Variants in CATSPERE observed in about 807,000 individuals in gnomAD.
CATSPERE encodes catsper channel auxiliary subunit epsilon.
A neutral mutation model predicts 114.1 loss-of-function variants in CATSPERE; 93 were observed. The observed-to-expected ratio is 0.81, with a 90% CI of 0.69 to 0.97. The LOEUF is 0.97. Ranked by LOEUF, CATSPERE falls within the 50% of genes least tolerant of loss-of-function variation. The probability of loss-of-function intolerance (pLI) is 0.00; values close to 1 mark genes in which losing one functional copy is unlikely to be tolerated. For missense variants in CATSPERE, 1,058 were observed against 1,131.6 expected (o/e 0.93, Z 0.93); for synonymous variants, 341 against 384.1 (o/e 0.89, Z 1.31).
intron 12 of CATSPERE, among the ~76,000 whole-genome samples, chr1:244,582,593 A>G (rs75462476): frequency 6.6e-6 from 1 of 151,746 alleles, no homozygotes; most frequent in African/African-American, 2.4e-5. Context: ...GTAGAGACAT[A>G]GTTTCTCCAT....
At chr1:244,549,050 G>A (rs1046565934) in intron 8 of CATSPERE, among the ~76,000 whole-genome samples, 2 of 152,170 alleles carry the variant, frequency 1.3e-5, no homozygotes, top group Non-Finnish European at 2.9e-5. Flanking sequence ...CCAGACTACC[G>A]AGGGGAAGCT....
intron 18 of CATSPERE, among the ~76,000 whole-genome samples, chr1:244,608,552 A>T (rs76338484): frequency 6.6e-6 from 1 of 151,596 alleles, no homozygotes; most frequent in East Asian, 1.9e-4. Context: ...AAAAAAAAAA[A>T]TTGCATTTCA....
chr1:244,473,484 TTG>T (rs1668797911), intron 2 of CATSPERE, among the ~76,000 whole-genome samples: 1 of 152,202 alleles, frequency 6.6e-6, no homozygotes, highest in Non-Finnish European at 1.5e-5. Context: ...AAGAGTTTTT[TTG>T]TGTATTCTGG....
intron 21 of CATSPERE, among the ~76,000 whole-genome samples, chr1:244,637,203 C>T (rs1289179569): frequency 6.6e-6 from 1 of 152,136 alleles, no homozygotes; most frequent in Non-Finnish European, 1.5e-5. Flanking sequence ...ACAAAACCTA[C>T]CCGATCCTTT....
chr1:244,499,052 G>C lies in CATSPERE; in HGVS notation c.402G>C (p.Leu134Phe), dbSNP rs1438111006. The C allele has an allele frequency of 6.2e-7, 1 of 1,612,494 alleles. No homozygotes were observed. Among genetic ancestry groups the C allele is most frequent in the South Asian group, 1.1e-5 (1 of 91,014 alleles). Reference protein sequence around the residue: ...YDPESADPDELLGNAEEPSIN... With the variant: ...YDPESADPDEFLGNAEEPSIN... ...CAGAAAGTGCAGATCCTGATGAGTT[G>C]CTGGGGAATGCAGAAGAACCTTCAA... Residue 134 changes from leucine (L) to phenylalanine (F), a missense_variant, in exon 7 of 22, where the codon TTG (leucine) becomes TTC (phenylalanine). Transcript: ENST00000366534.
chr1:244,531,626 C>T (rs1488776579), intron 8 of CATSPERE, among the ~76,000 whole-genome samples: 1 of 151,836 alleles, frequency 6.6e-6, no homozygotes, highest in Admixed American at 6.6e-5. Context: ...TATAATGTAT[C>T]ACATTGGTTG....
rs1660838155 is a variant in CATSPERE at position 244,552,630 on chromosome 1, A to G, written c.845A>G (p.Asp282Gly). ...GTGCCTCCAGACATTCTGAGTGATG[A>G]TGAAAGACGGAGTGTGGCTCATGTG... ...IRVPPDILSD[D>G]ERRSVAHVIL... is the part of the protein sequence containing the mutation. Residue 282 changes from aspartate (D) to glycine (G), a missense_variant, in exon 9 of 22, where the codon GAT (aspartate) becomes GGT (glycine). Transcript: ENST00000366534. 8.7e-6 allele frequency: 14 copies of G among 1,614,070 alleles called. No individual in the cohort carries two copies. In the African/African-American group the frequency reaches 1.3e-4, roughly 15 times the overall value.
intron 19 of CATSPERE, among the ~76,000 whole-genome samples, chr1:244,614,238 A>T (rs545875376): frequency 1.3e-5 from 2 of 152,350 alleles, no homozygotes; most frequent in East Asian, 3.9e-4. Context: ...CTGTGTTCCT[A>T]GAGCTTCTGC....
chr1:244,461,505 G>C lies in CATSPERE; in HGVS notation c.65+11G>C. 7.7e-7 allele frequency: 1 copy of C among 1,304,922 alleles called. No individual in the cohort carries two copies. 80.8% of individuals were successfully genotyped at this position (1,304,922 alleles called of 1,614,324 possible). A position where few individuals can be genotyped will look rare whatever the true frequency, so the allele number is the denominator to read the frequency against. On this transcript the variant is annotated intron_variant, in intron 1 of 21. Transcript: ENST00000366534. ...CTCCGCCCTTTGGAGGTAGAGAGAC[G>C]CCAGTCGCAGGCGAGCGACTAGGCG...
intron 2 of CATSPERE, among the ~76,000 whole-genome samples, chr1:244,473,725 G>T (rs985853723): frequency 1.3e-5 from 2 of 151,946 alleles, no homozygotes; most frequent in African/African-American, 2.4e-5. Flanking sequence ...GTCTTTCTGG[G>T]TCACTTTTTT....
intron 2 of CATSPERE, among the ~76,000 whole-genome samples, chr1:244,473,795 C>G (rs1227545828): frequency 6.6e-6 from 1 of 152,044 alleles, no homozygotes; most frequent in Non-Finnish European, 1.5e-5. Flanking sequence ...TAAGCCCATT[C>G]ACATTTAATT....
Position 244,499,071 on chromosome 1 carries a change from C to A in CATSPERE, c.421C>A (p.Pro141Thr). The A allele has an allele frequency of 2.5e-6, 4 of 1,607,826 alleles. No homozygotes were observed. Among genetic ancestry groups the A allele is most frequent in the Non-Finnish European group, 3.4e-6 (4 of 1,174,618 alleles). ...PDELLGNAEE[P>T]SINSIVLSTQ... Reference sequence around the variant, plus strand: ...TGAGTTGCTGGGGAATGCAGAAGAACCTTCAATAGTAGGTGGAAACATTAG... The same window carrying A: ...TGAGTTGCTGGGGAATGCAGAAGAAACTTCAATAGTAGGTGGAAACATTAG... Residue 141 changes from proline to threonine, a missense_variant, in exon 7 of 22, where the codon CCT (proline) becomes ACT (threonine). Pro to Thr is a conservative substitution (Grantham distance 38, BLOSUM62 -1). Around this residue, in one of 2 missense-constraint regions of CATSPERE, gnomAD observed 271 missense variants for 225.9 expected, o/e 1.20. Transcript: ENST00000366534.
chr1:244,486,221 T>C (rs1235379215), intron 5 of CATSPERE, among the ~76,000 whole-genome samples: 1 of 152,238 alleles, frequency 6.6e-6, no homozygotes, highest in Non-Finnish European at 1.5e-5. Flanking sequence ...TGTTTTTTAT[T>C]TGCAATTTAA....
At chr1:244,522,499 G>A (rs549116826) in intron 8 of CATSPERE, among the ~76,000 whole-genome samples, 4 of 152,146 alleles carry the variant, frequency 2.6e-5, no homozygotes, top group African/African-American at 7.2e-5. Flanking sequence ...CAGAACTGAA[G>A]GAAATAGAGA....
Position 244,593,583 on chromosome 1 carries a change from GTATATTCTCATCAACATTTTAACT to G in CATSPERE, c.2303+12_2303+35del. ...GTTTCAACCTGTGGTTCAACTGTAA[GTATATTCTCATCAACATTTTAACT>G]TATATTGAAAGTTTCAAACTCAAAG... is the stretch of plus-strand genomic sequence containing the variant. On this transcript the variant is annotated splice_donor_region_variant and intron_variant, in intron 17 of 21. Transcript: ENST00000366534. The G allele has an allele frequency of 6.2e-7, 1 of 1,607,622 alleles. No homozygotes were observed. Among genetic ancestry groups the G allele is most frequent in the East Asian group, 2.2e-5 (1 of 44,840 alleles).
At chr1:244,472,400 AT>A (rs1439210289) in intron 2 of CATSPERE, among the ~76,000 whole-genome samples, 1 of 152,084 alleles carries the variant, frequency 6.6e-6, no homozygotes, top group African/African-American at 2.4e-5. Flanking sequence ...CTGCTTTTAT[AT>A]TGATTTTTTT....
At chr1:244,531,172 G>T (rs1349126074) in intron 8 of CATSPERE, among the ~76,000 whole-genome samples, 2 of 150,224 alleles carry the variant, frequency 1.3e-5, no homozygotes, top group African/African-American at 2.4e-5. Context: ...GGAGGCGGAG[G>T]TTGCAGTGAG....
At chr1:244,621,315 A>G (rs1381238295) in intron 20 of CATSPERE, among the ~76,000 whole-genome samples, 8 of 26,310 alleles carry the variant, frequency 3.0e-4, no homozygotes, top group African/African-American at 4.8e-4. Context: ...AAATATATAA[A>G]ATATATATAT....
chr1:244,488,560 C>G (rs1671442071), intron 5 of CATSPERE, among the ~76,000 whole-genome samples: 1 of 152,222 alleles, frequency 6.6e-6, no homozygotes, highest in Non-Finnish European at 1.5e-5. Flanking sequence ...TTCAGACTGT[C>G]ACTTTAATGT....
Sources: allele counts gnomAD v4.1 joint callset (sites outside exome capture counted in the v4.1 genomes callset), GRCh38; gene constraint gnomAD v4.1.1; regional missense constraint gnomAD v4.1.1; transcripts MANE v1.5; gene names NCBI Gene and HGNC (gene_info 2026-07-23, HGNC 2026-07-21).